MGA: variants seen among roughly 807,000 people sequenced by gnomAD.
MGA encodes MAX dimerization protein MGA, also known as MAX gene-associated protein.
In MGA, 40 loss-of-function variants were observed where a neutral mutation model predicts 261.1. The ratio of observed to expected loss-of-function variants is 0.15; its 90% CI spans 0.12 to 0.20. The LOEUF (loss-of-function observed/expected upper bound fraction) is 0.20, where lower values mean the gene tolerates loss of function less well. MGA is among the 10% of genes least tolerant of loss of function. The pLI, the probability that MGA is intolerant of heterozygous loss-of-function variation, is 1.00. For synonymous variants in MGA, 1,302 were observed against 1,290.6 expected, an observed-to-expected ratio of 1.01 and a Z score of -0.19; for missense variants, 3,397 against 3,630.5, an observed-to-expected ratio of 0.94 and a Z score of 1.65.
chr15:41,722,085 CTT>C (rs1316197892), intron 9 of MGA, among the ~76,000 whole-genome samples: 1 of 147,100 alleles, frequency 6.8e-6, no homozygotes, highest in Non-Finnish European at 1.5e-5. Flanking sequence ...AAGAATGTAT[CTT>C]TGATTCCATT....
At chr15:41,730,117 C>T (rs993485959) in intron 11 of MGA, among the ~76,000 whole-genome samples, 4 of 152,166 alleles carry the variant, frequency 2.6e-5, no homozygotes, top group African/African-American at 9.6e-5. Context: ...TGGTCTCGAA[C>T]TCCTGACCTC....
chr15:41,664,071 A>G (rs2057579650), intron 1 of MGA, among the ~76,000 whole-genome samples: 1 of 152,242 alleles, frequency 6.6e-6, no homozygotes, highest in African/African-American at 2.4e-5. Flanking sequence ...TTTTAGTCAT[A>G]AATTAAGTCT....
intron 1 of MGA, among the ~76,000 whole-genome samples, chr15:41,640,298 A>G (rs1257906739): frequency 6.6e-6 from 1 of 152,190 alleles, no homozygotes; most frequent in Non-Finnish European, 1.5e-5. Flanking sequence ...AGCTGGGTCC[A>G]GAGTATTGAG....
At chr15:41,759,901 A>AT (rs1310914328) in intron 19 of MGA, among the ~76,000 whole-genome samples, 1 of 152,174 alleles carries the variant, frequency 6.6e-6, no homozygotes, top group African/African-American at 2.4e-5. Context: ...GAGAAAGGTG[A>AT]TTTAGAAGAG....
chr15:41,746,687 G>C (rs1287837333), intron 15 of MGA, among the ~76,000 whole-genome samples: 1 of 150,552 alleles, frequency 6.6e-6, no homozygotes, highest in Non-Finnish European at 1.5e-5. Flanking sequence ...TCATCTAAAT[G>C]TTATGACCAT....
chr15:41,702,048 G>A (rs954799018), intron 5 of MGA, among the ~76,000 whole-genome samples: 2 of 151,904 alleles, frequency 1.3e-5, no homozygotes, highest in Admixed American at 6.6e-5. Context: ...GGCCAGGCTC[G>A]GTGGCTCAAG....
At position 41,668,875 on chromosome 15, in the gene MGA, C is replaced by G. The variant is rs768532647; in HGVS notation, c.-20C>G. ...TGTGGTGATTACAGTTGTCTTACTA[C>G]TGAGTTTCCTACTGAAATCATGGAG... is the stretch of plus-strand genomic sequence containing the variant. On this transcript the variant is annotated 5_prime_UTR_variant, in exon 2 of 24. Coordinates refer to ENST00000219905, the MANE Select transcript of MGA (RefSeq NM_001164273.2). The G allele has an allele frequency of 6.6e-7, 1 of 1,518,630 alleles. No individual in the cohort carries two copies. The highest frequency in any genetic ancestry group is 8.9e-7 in the Non-Finnish European group (1 of 1,124,488). 94.1% of individuals were successfully genotyped at this position (1,518,630 alleles called of 1,614,324 possible).
intron 18 of MGA, 21 bp downstream of exon 18, chr15:41,754,588 G>C: frequency 1.3e-6 from 2 of 1,534,162 alleles, no homozygotes; most frequent in South Asian, 2.5e-5. Flanking sequence ...TTTCTCTTTG[G>C]ATTGTTGTTT....
At chr15:41,626,393 CA>C (rs146620865) in intron 1 of MGA, among the ~76,000 whole-genome samples, 4,910 of 151,204 alleles carry the variant, frequency 0.032, 132 homozygotes, top group South Asian at 0.069. Flanking sequence ...GCTGTGACTG[CA>C]GCTGCACACT....
chr15:41,699,170 A>G lies in MGA; in HGVS notation c.2188+11A>G, dbSNP rs1430499459. 1.3e-6 allele frequency: 2 copies of G among 1,514,566 alleles called. No homozygotes were observed. Among genetic ancestry groups the G allele is most frequent in the South Asian group, 2.6e-5 (2 of 77,848 alleles). 93.8% of individuals were successfully genotyped at this position (1,514,566 alleles called of 1,614,324 possible). The stretch of plus-strand genomic sequence containing the variant: ...CTGGTCTTCAAGAAGGTAATAGACT[A>G]GCGACTTCTTTTTTTTTGTTTTCTT... On this transcript the variant is annotated intron_variant, in intron 5 of 23. Coordinates refer to ENST00000219905, the MANE Select transcript of MGA (RefSeq NM_001164273.2).
chr15:41,734,868 T>C (rs2151775516), intron 12 of MGA, among the ~76,000 whole-genome samples: 1 of 152,302 alleles, frequency 6.6e-6, no homozygotes, highest in Admixed American at 6.5e-5. Flanking sequence ...AGTTTTTTTT[T>C]TTTTAACCTC....
intron 23 of MGA, among the ~76,000 whole-genome samples, chr15:41,765,352 T>C (rs1274347212): frequency 6.6e-6 from 1 of 152,226 alleles, no homozygotes; most frequent in Non-Finnish European, 1.5e-5. Flanking sequence ...ATCATGGTCT[T>C]AGGTCTTGGT....
intron 1 of MGA, among the ~76,000 whole-genome samples, chr15:41,640,142 T>C (rs1295467158): frequency 1.3e-5 from 2 of 152,062 alleles, no homozygotes; most frequent in East Asian, 3.9e-4. Flanking sequence ...TTAGGGAGAA[T>C]GATGCTGGTG....
chr15:41,686,493 A>ACC (rs1427225476), intron 2 of MGA, among the ~76,000 whole-genome samples: 1 of 152,130 alleles, frequency 6.6e-6, no homozygotes, highest in East Asian at 1.9e-4. Context: ...CCATGGTTGT[A>ACC]CCACTGCATG....
chr15:41,711,366 T>A lies in MGA; in HGVS notation c.3084+17T>A. The A allele has an allele frequency of 6.4e-7, 1 of 1,570,022 alleles. No homozygotes were observed. Among genetic ancestry groups the A allele is most frequent in the Non-Finnish European group, 8.6e-7 (1 of 1,160,236 alleles). On this transcript the variant is annotated intron_variant, in intron 8 of 23. Coordinates refer to ENST00000219905, the MANE Select transcript of MGA (RefSeq NM_001164273.2). The stretch of plus-strand genomic sequence containing the variant: ...ACAGCTCAAGTAAGTAGCTGCTGTT[T>A]TCTGGAGGTATATTAGTGCTTGGCT...
chr15:41,733,504 G>C (rs771786373), intron 11 of MGA, among the ~76,000 whole-genome samples: 1 of 152,154 alleles, frequency 6.6e-6, no homozygotes, highest in Non-Finnish European at 1.5e-5. Context: ...GCTGATGGCT[G>C]GGGGCTCCAC....
In MGA at chr15:41,757,804, T is replaced by G. The variant is rs774061133; in HGVS notation, c.7156T>G (p.Ser2386Ala). The change falls in exon 19 of 24, where the codon TCT (serine) becomes GCT (alanine). Residue 2386 changes from serine to alanine, a missense_variant. By Grantham distance (99) the Ser-to-Ala change is moderately conservative. Coordinates refer to ENST00000219905, the MANE Select transcript of MGA (RefSeq NM_001164273.2). ...TTTATCCAGGTCCTGTACTCACATC[T>G]CTGCAGATGAAAAAGCAGCTGAAAG... 11 of 1,610,600 alleles carry G rather than the reference T, an allele frequency of 6.8e-6. No individual in the cohort carries two copies. In the South Asian group the frequency reaches 1.1e-4, roughly 16 times the overall value.
In MGA at chr15:41,627,924, C is replaced by T. The variant is rs573697209; in HGVS notation, c.-68+6626C>T. 3.3e-5 allele frequency among the ~76,000 whole-genome samples: 5 copies of T among 152,198 alleles called. No homozygotes were observed. The South Asian group carries it at 8.3e-4, about 25-fold the overall frequency. ...TTCATAGTAGGATGAAAATACAAAT[C>T]GGATAGTTGAGATCAATTAGGTAAT... On this transcript the variant is annotated intron_variant, in intron 1 of 8. Transcript: ENST00000566718.
chr15:41,623,805 G>A (rs1023537328), intron 1 of MGA, among the ~76,000 whole-genome samples: 1 of 143,706 alleles, frequency 7.0e-6, no homozygotes, highest in Non-Finnish European at 1.5e-5. Flanking sequence ...AGGGAGTTTC[G>A]GGCTTGTCCC....
Sources: allele counts gnomAD v4.1 joint callset (sites outside exome capture counted in the v4.1 genomes callset), GRCh38; gene constraint gnomAD v4.1.1; transcripts MANE v1.5; gene names NCBI Gene and HGNC (gene_info 2026-07-23, HGNC 2026-07-21).